Variants in VIPR1 observed in about 807,000 individuals in gnomAD.
VIPR1 encodes the protein vasoactive intestinal polypeptide receptor 1.
VIPR1 carries 59 observed loss-of-function variants against 58.8 expected under a neutral mutation model. The ratio of observed to expected loss-of-function variants is 1.00; its 90% CI spans 0.81 to 1.25. The LOEUF is 1.25. Among genes scored for constraint, VIPR1 ranks in the 50% most tolerant of loss-of-function variants. The probability of loss-of-function intolerance (pLI) is 0.00; values close to 1 mark genes in which losing one functional copy is unlikely to be tolerated. For synonymous variants in VIPR1, 251 were observed against 242.1 expected (o/e 1.04, Z -0.34); for missense variants, 626 against 602.7 (o/e 1.04, Z -0.40).
intron 1 of VIPR1, among the ~76,000 whole-genome samples, chr3:42,510,760 T>A (rs999667749): frequency 6.6e-6 from 1 of 152,068 alleles, no homozygotes; most frequent in Non-Finnish European, 1.5e-5. Flanking sequence ...ACACCCACTG[T>A]TTCATAAACA....
intron 1 of VIPR1, among the ~76,000 whole-genome samples, chr3:42,491,181 T>G (rs984287847): frequency 6.6e-6 from 1 of 152,300 alleles, no homozygotes; most frequent in South Asian, 2.1e-4. Context: ...GAGGGGAGTC[T>G]CTGTATGAAA....
At chr3:42,497,797 C>T (rs1047279146), upstream of VIPR1, among the ~76,000 whole-genome samples, 3 of 152,198 alleles carry the variant, frequency 2.0e-5, no homozygotes, top group Non-Finnish European at 2.9e-5. Flanking sequence ...TTCTGCCTTT[C>T]GCCTTCTGCC....
At chr3:42,506,221 TG>T (rs2125634416) in intron 1 of VIPR1, among the ~76,000 whole-genome samples, 1 of 152,268 alleles carries the variant, frequency 6.6e-6, no homozygotes, top group African/African-American at 2.4e-5. Flanking sequence ...TCAGAGCAGA[TG>T]GGCCTTCACA....
chr3:42,516,714 C>A (rs1700647123), intron 2 of VIPR1: 1 of 152,266 alleles, frequency 6.6e-6, no homozygotes, highest in African/African-American at 2.4e-5. Flanking sequence ...AGTCCAGCAG[C>A]AGCAAAATTC....
intron 1 of VIPR1, 42 bp downstream of exon 1, chr3:42,502,855 G>A (rs983116912): frequency 8.1e-7 from 1 of 1,240,918 alleles, no homozygotes; most frequent in Non-Finnish European, 1.0e-6. Context: ...GCAGCCTGGG[G>A]GTTGCGGAGG....
chr3:42,510,916 C>T (rs1700332911), intron 1 of VIPR1, among the ~76,000 whole-genome samples: 1 of 152,000 alleles, frequency 6.6e-6, no homozygotes, highest in African/African-American at 2.4e-5. Flanking sequence ...CAGAAGCTGC[C>T]AGAAATCCTA....
chr3:42,499,393 T>C (rs1344062697), upstream of VIPR1, among the ~76,000 whole-genome samples: 1 of 152,198 alleles, frequency 6.6e-6, no homozygotes, highest in Non-Finnish European at 1.5e-5. Flanking sequence ...AATGAGTAAC[T>C]GCAGATTCTC....
intron 3 of VIPR1, 134 bp downstream of exon 3, chr3:42,519,464 G>T (rs922602338): frequency 6.4e-6 from 4 of 628,228 alleles, no homozygotes; most frequent in African/African-American, 1.9e-5. Flanking sequence ...TGGCAGAGGA[G>T]GCAATGGTGC....
At chr3:42,526,032 CG>C in intron 4 of VIPR1, 39 bp downstream of exon 4, 1 of 1,562,792 alleles carries the variant, frequency 6.4e-7, no homozygotes, top group Non-Finnish European at 8.7e-7. Context: ...TGCAGAGCGC[CG>C]GGGCCCACCT....
chr3:42,531,936 G>T (rs1200141453), intron 9 of VIPR1, 67 bp downstream of exon 9: 1 of 1,573,254 alleles, frequency 6.4e-7, no homozygotes, highest in East Asian at 2.2e-5. Flanking sequence ...TTAGCCCAAG[G>T]TCACATGGGA....
At chr3:42,522,827 G>C (rs1701021070) in intron 3 of VIPR1, among the ~76,000 whole-genome samples, 1 of 152,172 alleles carries the variant, frequency 6.6e-6, no homozygotes, top group South Asian at 2.1e-4. Context: ...TCAATTCCTG[G>C]CTCCAGGCAC....
At chr3:42,516,324 G>C (rs554019212) in intron 2 of VIPR1, among the ~76,000 whole-genome samples, 1 of 152,156 alleles carries the variant, frequency 6.6e-6, no homozygotes, top group Non-Finnish European at 1.5e-5. Context: ...CAGGACAACA[G>C]GCCATTCCAG....
chr3:42,495,502 T>C (rs1346440784), intron 1 of VIPR1, among the ~76,000 whole-genome samples: 1 of 152,048 alleles, frequency 6.6e-6, no homozygotes, highest in African/African-American at 2.4e-5. Flanking sequence ...TTGGCAGAAT[T>C]CTAAGATGGC....
intron 7 of VIPR1, 188 bp downstream of exon 7, chr3:42,531,120 G>C (rs1464030969): frequency 1.3e-6 from 1 of 758,672 alleles, no homozygotes. Context: ...AGTCCCTCAG[G>C]TTGCAGCTGC....
chr3:42,536,430 A>G lies in VIPR1; in HGVS notation c.*149A>G, dbSNP rs138227506. 108 of 812,820 alleles carry G rather than the reference A, an allele frequency of 1.3e-4. No homozygotes were observed. The highest frequency in any genetic ancestry group is 2.8e-4 in the Admixed American group (8 of 29,016). 50.4% of individuals were successfully genotyped at this position (812,820 alleles called of 1,614,324 possible). A position where few individuals can be genotyped will look rare whatever the true frequency, so the allele number is the denominator to read the frequency against. ...CGGCCCCCTGGTCTCTGGTCCGGAC[A>G]CTCCTAGAGAACGCAGCCCTAGAGC... On this transcript the variant is annotated 3_prime_UTR_variant, in exon 13 of 13. Coordinates refer to ENST00000325123, the MANE Select transcript of VIPR1 (RefSeq NM_004624.4).
chr3:42,495,369 C>T (rs1455542833), intron 1 of VIPR1, among the ~76,000 whole-genome samples: 4 of 152,142 alleles, frequency 2.6e-5, no homozygotes, highest in Admixed American at 2.6e-4. Flanking sequence ...GATCTGCCCT[C>T]CTTGGCCTCC....
intron 3 of VIPR1, among the ~76,000 whole-genome samples, chr3:42,519,729 A>C (rs1474223384): frequency 6.6e-6 from 1 of 152,178 alleles, no homozygotes; most frequent in Non-Finnish European, 1.5e-5. Context: ...GTTCCACTTA[A>C]ATGAATGTCC....
At chr3:42,494,632 C>G (rs1699725781) in intron 1 of VIPR1, among the ~76,000 whole-genome samples, 1 of 152,316 alleles carries the variant, frequency 6.6e-6, no homozygotes, top group African/African-American at 2.4e-5. Context: ...TTGTGATCAG[C>G]CTTGCTAAAC....
At chr3:42,512,816 C>A in intron 1 of VIPR1, 1 of 985,498 alleles carries the variant, frequency 1.0e-6, no homozygotes, top group Non-Finnish European at 1.2e-6. Context: ...GCCAAAGACG[C>A]AGAAGGTGCT....
Sources: allele counts gnomAD v4.1 joint callset (sites outside exome capture counted in the v4.1 genomes callset), GRCh38; gene constraint gnomAD v4.1.1; transcripts MANE v1.5; gene names NCBI Gene and HGNC (gene_info 2026-07-23, HGNC 2026-07-21).